The following TOP3A variants were observed in gnomAD, a reference collection of about 807,000 sequenced individuals.
TOP3A encodes DNA topoisomerase 3-alpha.
A neutral mutation model predicts 111.3 loss-of-function variants in TOP3A; 64 were observed. The ratio of observed to expected loss-of-function variants is 0.57; its 90% CI spans 0.47 to 0.71. The LOEUF (loss-of-function observed/expected upper bound fraction) is 0.71. Among genes scored for constraint, TOP3A ranks in the 30% least tolerant of loss-of-function variants. TOP3A has a pLI of 0.00. For missense variants in TOP3A, 1,104 were observed against 1,285.0 expected (o/e 0.86, Z 2.15); for synonymous variants, 484 against 485.1 (o/e 1.00, Z 0.03).
At position 18,285,579 on chromosome 17, in the gene TOP3A, C is replaced by T. The variant is rs574042315; in HGVS notation, c.1598-59G>A. The stretch of plus-strand genomic sequence containing the variant: ...ACAGACAACAGCTCCACCCGGGTGG[C>T]GCATGGGCACCTTGCTCACCCCGGA... On this transcript the variant is annotated intron_variant, in intron 13 of 18. Transcript: ENST00000321105. 1.4e-5 allele frequency: 20 copies of T among 1,455,628 alleles called. No individual in the cohort carries two copies. In the African/African-American group the frequency reaches 1.5e-4, roughly 11 times the overall value. 90.2% of individuals were successfully genotyped at this position (1,455,628 alleles called of 1,614,324 possible). A position where few individuals can be genotyped will look rare whatever the true frequency, so the allele number is the denominator to read the frequency against.
chr17:18,298,593 A>C (rs1299411088), intron 9 of TOP3A, among the ~76,000 whole-genome samples: 2 of 151,202 alleles, frequency 1.3e-5, no homozygotes, highest in Non-Finnish European at 2.9e-5. Flanking sequence ...ATGACAATGG[A>C]GGTTTTGTGG....
chr17:18,281,964 G>A (rs1405030510), intron 16 of TOP3A, among the ~76,000 whole-genome samples: 1 of 152,188 alleles, frequency 6.6e-6, no homozygotes, highest in African/African-American at 2.4e-5. Context: ...ATGAGGTAAT[G>A]CTTACAGAGC....
chr17:18,297,892 G>GC (rs1567745794), intron 9 of TOP3A, among the ~76,000 whole-genome samples: 9 of 146,138 alleles, frequency 6.2e-5, no homozygotes, highest in African/African-American at 2.3e-4. Flanking sequence ...CCATCGTCTG[G>GC]GATGTGAGGA....
At position 18,285,237 on chromosome 17, in the gene TOP3A, C is replaced by A. The variant is rs761268224; in HGVS notation, c.1782G>T (p.Leu594=). The A allele has an allele frequency of 3.1e-6, 5 of 1,614,226 alleles. No homozygotes were observed. In the South Asian group the frequency reaches 4.4e-5, roughly 14 times the overall value. ...LRAELEADLK[L]ICDGKKDKFV... The stretch of plus-strand genomic sequence containing the variant: ...ATTTGTCCTTTTTGCCATCACAGAT[C>A]AGCTTCAGATCAGCTTCCAGTTCAG... Residue 594 remains leucine, a synonymous_variant, in exon 15 of 19, where the codon CTG becomes CTT. Transcript: ENST00000321105.
intron 15 of TOP3A, 93 bp downstream of exon 15, chr17:18,285,049 G>A: frequency 1.4e-6 from 2 of 1,455,356 alleles, no homozygotes; most frequent in Middle Eastern, 1.8e-4. Flanking sequence ...CACACTTTGG[G>A]AGGCTGAGGT....
At chr17:18,302,122 T>C in intron 7 of TOP3A, 137 bp from the exon 8 acceptor site, 2 of 1,374,326 alleles carry the variant, frequency 1.5e-6, no homozygotes, top group African/African-American at 1.5e-5. Context: ...AAGGGAACTT[T>C]AAGTGGATTG....
In TOP3A at chr17:18,296,715, T is replaced by C. The variant is rs998849239; in HGVS notation, c.991-1930A>G. On this transcript the variant is annotated intron_variant, in intron 9 of 18. Transcript: ENST00000321105. ...GTCCCTGTGTGCTTCTTAGCCTCCA[T>C]GCTTGTTAGCCTGAGTGTTCTGTAT... is the stretch of plus-strand genomic sequence containing the variant. 8.5e-5 allele frequency among the ~76,000 whole-genome samples: 13 copies of C among 152,246 alleles called. 1 individual carries two copies. Among genetic ancestry groups the C allele is most frequent in the African/African-American group, 3.1e-4 (13 of 41,478 alleles).
At chr17:18,296,853 G>A (rs537573157) in intron 9 of TOP3A, among the ~76,000 whole-genome samples, 1 of 152,060 alleles carries the variant, frequency 6.6e-6, no homozygotes, top group Non-Finnish European at 1.5e-5. Context: ...GTTCTGTCAG[G>A]GTGGCTCTTT....
intron 11 of TOP3A, among the ~76,000 whole-genome samples, chr17:18,292,061 G>C (rs1280806819): frequency 6.6e-6 from 1 of 152,178 alleles, no homozygotes; most frequent in African/African-American, 2.4e-5. Flanking sequence ...AGGAGGAGAA[G>C]AACAAAAGAC....
chr17:18,306,790 G>T (rs1050998818), intron 4 of TOP3A, 101 bp downstream of exon 4: 22 of 820,080 alleles, frequency 2.7e-5, no homozygotes, highest in Non-Finnish European at 4.4e-5. Flanking sequence ...GACTTTGGTG[G>T]AAAACCTTAT....
At chr17:18,311,677 ACTGTC>A (rs1427299216) in intron 1 of TOP3A, among the ~76,000 whole-genome samples, 2 of 152,252 alleles carry the variant, frequency 1.3e-5, no homozygotes, top group Non-Finnish European at 2.9e-5. Context: ...AAATATAATC[ACTGTC>A]CTTTGGAGTT....
rs1324484702 is a variant in TOP3A, at chr17:18,305,205, C to T, written c.406G>A (p.Glu136Lys). 2 of 1,614,048 alleles carry T rather than the reference C, an allele frequency of 1.2e-6. No homozygotes were observed. Among genetic ancestry groups the T allele is most frequent in the Non-Finnish European group, 1.7e-6 (2 of 1,180,032 alleles). The change falls in exon 5 of 19, where the codon GAG (glutamate) becomes AAG (lysine). Residue 136 changes from glutamate (E) to lysine (K), a missense_variant. By Grantham distance (56) the Glu-to-Lys change is moderately conservative (BLOSUM62 1). Coordinates refer to ENST00000321105, the MANE Select transcript of TOP3A (RefSeq NM_004618.5). ...ACCAGAGCCTGGCACTGGCGAGTCT[C>T]TCGTTCCAAAGTTTTCTTAAGTTCG... ...FVDIKKTLERETRQCQALVIW... is the reference protein window; with the variant it reads ...FVDIKKTLERKTRQCQALVIW...
At chr17:18,298,773 G>A (rs1011948596) in intron 9 of TOP3A, among the ~76,000 whole-genome samples, 3 of 152,184 alleles carry the variant, frequency 2.0e-5, no homozygotes, top group African/African-American at 7.2e-5. Context: ...TGTGCTATCT[G>A]AAACATGTGC....
At chr17:18,293,835 T>G (rs1213811637) in intron 10 of TOP3A, among the ~76,000 whole-genome samples, 1 of 152,160 alleles carries the variant, frequency 6.6e-6, no homozygotes, top group Non-Finnish European at 1.5e-5. Context: ...GACCTCATGA[T>G]CCACCCACCT....
chr17:18,285,203 G>A lies in TOP3A; in HGVS notation c.1816C>T (p.Leu606=). ...TTGTATTTCTGCACTTGCTGCCTTAGAACCACAAATTTGTCCTTTTTGCCA... is the reference window on the plus strand; with the variant it reads ...TTGTATTTCTGCACTTGCTGCCTTAAAACCACAAATTTGTCCTTTTTGCCA... ...CDGKKDKFVV[L]RQQVQKYKQV... The change falls in exon 15 of 19, where the codon CTA becomes TTA. Residue 606 remains leucine, a synonymous_variant. Transcript: ENST00000321105. 2.5e-6 allele frequency: 4 copies of A among 1,614,178 alleles called. No homozygotes were observed. In the South Asian group the frequency reaches 3.3e-5, roughly 13 times the overall value.
At chr17:18,302,896 A>G (rs575734141) in intron 5 of TOP3A, 173 bp from the exon 6 acceptor site, 2 of 673,796 alleles carry the variant, frequency 3.0e-6, no homozygotes, top group Non-Finnish European at 4.8e-6. Flanking sequence ...TAAAGAGGAA[A>G]CATCACCATA....
chr17:18,311,018 TGAGACA>T (rs1981876355), intron 1 of TOP3A, among the ~76,000 whole-genome samples: 7 of 151,692 alleles, frequency 4.6e-5, no homozygotes, highest in Admixed American at 3.9e-4. Flanking sequence ...TTTTTTTTTT[TGAGACA>T]GAGTCTCACT....
rs1364789991 is a variant in TOP3A, at chr17:18,271,934, C to G, written c.*2868G>C. The G allele has an allele frequency of 1.7e-5, 5 of 297,300 alleles. No homozygotes were observed. The highest frequency in any genetic ancestry group is 5.1e-5 in the Admixed American group (1 of 19,434). 18.4% of individuals were successfully genotyped at this position (297,300 alleles called of 1,614,324 possible). On this transcript the variant is annotated 3_prime_UTR_variant, in exon 19 of 19. Transcript: ENST00000321105. ...TAAACAAATTAGCTGGGTGTGGAGG[C>G]AGATGCCTGTAATTCCAGCTACTTG...
Position 18,274,677 on chromosome 17 carries a change from T to G in TOP3A, c.*125A>C, listed in dbSNP as rs1311712098. On this transcript the variant is annotated 3_prime_UTR_variant, in exon 19 of 19. Coordinates refer to ENST00000321105, the MANE Select transcript of TOP3A (RefSeq NM_004618.5). ...GCCCCTTAACACAAGAAGGCCCGAC[T>G]CCAAAGGCCAACACTGTCCTCTAAG... 1 of 1,469,240 alleles carries G rather than the reference T, an allele frequency of 6.8e-7. No homozygotes were observed. The highest frequency in any genetic ancestry group is 9.0e-7 in the Non-Finnish European group (1 of 1,106,458). The allele number at this position is 1,469,240 out of a possible 1,614,324, so 91.0% of individuals were successfully genotyped here.
Sources: allele counts gnomAD v4.1 joint callset (sites outside exome capture counted in the v4.1 genomes callset), GRCh38; gene constraint gnomAD v4.1.1; transcripts MANE v1.5; gene names NCBI Gene and HGNC (gene_info 2026-07-23, HGNC 2026-07-21).